WDPCP: variants seen among roughly 807,000 people sequenced by gnomAD.
WDPCP encodes WD repeat containing planar cell polarity effector.
In WDPCP, 71 loss-of-function variants were observed where a neutral mutation model predicts 93.1. That is an observed-to-expected ratio of 0.76 (90% CI 0.63 to 0.93). The LOEUF (loss-of-function observed/expected upper bound fraction) is 0.93. Among genes scored for constraint, WDPCP ranks in the 40% least tolerant of loss-of-function variants. WDPCP has a pLI of 0.00. For synonymous variants in WDPCP, 315 were observed against 315.0 expected, an observed-to-expected ratio of 1.00 and a Z score of 0.00; for missense variants, 844 against 887.4, an observed-to-expected ratio of 0.95 and a Z score of 0.62.
intron 1 of WDPCP, among the ~76,000 whole-genome samples, chr2:63,530,503 T>C (rs186259508): frequency 6.6e-6 from 1 of 152,188 alleles, no homozygotes; most frequent in Non-Finnish European, 1.5e-5. Context: ...GTTCCCCTCC[T>C]ATAATGCAGC....
intron 6 of WDPCP, chr2:63,440,095 C>T: frequency 2.1e-6 from 1 of 470,176 alleles, no homozygotes; most frequent in East Asian, 3.4e-5. Flanking sequence ...ATTAAAGCTA[C>T]ATGCAGAAAC....
intron 2 of WDPCP, among the ~76,000 whole-genome samples, chr2:63,675,249 G>A (rs1710391057): frequency 6.6e-6 from 1 of 152,130 alleles, no homozygotes; most frequent in South Asian, 2.1e-4. Context: ...CTACCACCCA[G>A]GCAGTGAGTT....
At chr2:63,783,262 TA>T (rs1670422373) in intron 2 of WDPCP, among the ~76,000 whole-genome samples, 1 of 150,300 alleles carries the variant, frequency 6.7e-6, no homozygotes. Context: ...AAAAAAAAAT[TA>T]AAAAGGAAAT....
chr2:63,751,914 G>A (rs891795316), intron 2 of WDPCP: 9 of 684,348 alleles, frequency 1.3e-5, no homozygotes, highest in South Asian at 6.8e-5. Context: ...ATCCATTATA[G>A]CCATCCCCAC....
chr2:63,565,492 T>C (rs1225112629), intron 1 of WDPCP, among the ~76,000 whole-genome samples: 1 of 152,146 alleles, frequency 6.6e-6, no homozygotes, highest in Non-Finnish European at 1.5e-5. Flanking sequence ...TAATAAAACA[T>C]CAAGGAGTCA....
chr2:63,556,545 C>T (rs1020192399), intron 1 of WDPCP, among the ~76,000 whole-genome samples: 1 of 152,166 alleles, frequency 6.6e-6, no homozygotes, highest in African/African-American at 2.4e-5. Flanking sequence ...TATTACCCAC[C>T]TTCTGAAGCC....
At chr2:63,427,816 TA>T (rs1238308422) in intron 9 of WDPCP, among the ~76,000 whole-genome samples, 1 of 151,920 alleles carries the variant, frequency 6.6e-6, no homozygotes, top group Non-Finnish European at 1.5e-5. Flanking sequence ...TAAACAAGAT[TA>T]ATAGAGTGCT....
chr2:63,547,452 T>A lies in WDPCP; in HGVS notation c.75+40745A>T, dbSNP rs140160457. 1.2e-3 allele frequency among the ~76,000 whole-genome samples: 182 copies of A among 152,226 alleles called. 1 individual carries two copies. The highest frequency in any genetic ancestry group is 4.3e-3 in the African/African-American group (179 of 41,562). On this transcript the variant is annotated intron_variant, in intron 1 of 17. Transcript: ENST00000272321. ...AGGAAATCAATATATCAAAGAGATATTTGCACTCCCATTTTATTGCAGCCC... is the reference window on the plus strand; with the variant it reads ...AGGAAATCAATATATCAAAGAGATAATTGCACTCCCATTTTATTGCAGCCC...
chr2:63,312,328 G>T (rs1384223401), intron 13 of WDPCP, among the ~76,000 whole-genome samples: 2 of 152,124 alleles, frequency 1.3e-5, no homozygotes, highest in Admixed American at 6.5e-5. Flanking sequence ...TGTCTTCACT[G>T]TGCAAAAGAT....
At chr2:63,503,811 C>G (rs720848) in intron 1 of WDPCP, among the ~76,000 whole-genome samples, 2 of 151,690 alleles carry the variant, frequency 1.3e-5, no homozygotes, top group Non-Finnish European at 2.9e-5. Flanking sequence ...ATGCTCTTAT[C>G]TAAACCAATG....
At chr2:63,306,325 G>T (rs571846027) in intron 13 of WDPCP, among the ~76,000 whole-genome samples, 1 of 152,134 alleles carries the variant, frequency 6.6e-6, no homozygotes, top group Non-Finnish European at 1.5e-5. Context: ...AGAGGAGCTG[G>T]TACCATTCCT....
intron 6 of WDPCP, among the ~76,000 whole-genome samples, chr2:63,458,880 A>G (rs1049273499): frequency 2.0e-5 from 3 of 152,190 alleles, no homozygotes; most frequent in Non-Finnish European, 4.4e-5. Flanking sequence ...GTAACAACAG[A>G]CACATAGATC....
chr2:63,269,536 CA>C (rs1188839619), intron 13 of WDPCP, among the ~76,000 whole-genome samples: 1 of 151,986 alleles, frequency 6.6e-6, no homozygotes, highest in South Asian at 2.1e-4. Flanking sequence ...AAATTTACAG[CA>C]AAAAAAGCAT....
At chr2:63,362,598 G>T (rs562932626) in intron 12 of WDPCP, among the ~76,000 whole-genome samples, 10 of 152,086 alleles carry the variant, frequency 6.6e-5, no homozygotes, top group African/African-American at 2.2e-4. Flanking sequence ...TTTGAAAAAT[G>T]AGCTGGCTCT....
intron 14 of WDPCP, among the ~76,000 whole-genome samples, chr2:63,205,272 A>G (rs570967389): frequency 2.0e-5 from 3 of 151,832 alleles, no homozygotes; most frequent in South Asian, 2.1e-4. Context: ...AAGTAAGGTA[A>G]TATGATTCTT....
At chr2:63,452,401 C>T (rs1219136630) in intron 6 of WDPCP, among the ~76,000 whole-genome samples, 1 of 152,144 alleles carries the variant, frequency 6.6e-6, no homozygotes, top group Non-Finnish European at 1.5e-5. Flanking sequence ...TGAAGGACCT[C>T]TTCAAGAAGA....
intron 13 of WDPCP, among the ~76,000 whole-genome samples, chr2:63,307,191 G>A (rs1157000330): frequency 6.6e-6 from 1 of 152,074 alleles, no homozygotes; most frequent in Non-Finnish European, 1.5e-5. Flanking sequence ...GGAATGTGAA[G>A]GACCTCTTCA....
At chr2:63,353,704 GTGTCTTTGGGC>G (rs961443984) in intron 12 of WDPCP, among the ~76,000 whole-genome samples, 1 of 152,088 alleles carries the variant, frequency 6.6e-6, no homozygotes, top group African/African-American at 2.4e-5. Flanking sequence ...CCTCCTACAG[GTGTCTTTGGGC>G]TGGCAACAGC....
At chr2:63,252,022 A>G (rs563503976) in intron 14 of WDPCP, among the ~76,000 whole-genome samples, 13 of 152,282 alleles carry the variant, frequency 8.5e-5, no homozygotes. Flanking sequence ...ATGAACATAA[A>G]TGCAAAAATC....
Sources: gnomAD v4.1 joint callset for allele counts (sites outside exome capture counted in the v4.1 genomes callset) on GRCh38, gnomAD v4.1.1 for gene constraint, MANE v1.5 for transcripts, NCBI Gene and HGNC (gene_info 2026-07-23, HGNC 2026-07-21) for gene names.